METTL24: variants seen among roughly 807,000 people sequenced by gnomAD.
METTL24 encodes methyltransferase like 24, also known as probable methyltransferase-like protein 24.
In METTL24, 29 loss-of-function variants were observed where a neutral mutation model predicts 32.7. That is an observed-to-expected ratio of 0.89 (90% CI 0.66 to 1.21). The LOEUF (loss-of-function observed/expected upper bound fraction) is 1.21, where lower values mean the gene tolerates loss of function less well. Ranked by LOEUF, METTL24 falls within the 50% of genes most tolerant of loss-of-function variation. METTL24 has a pLI of 0.00. For missense variants in METTL24, 439 were observed against 468.1 expected, an observed-to-expected ratio of 0.94 and a Z score of 0.57; for synonymous variants, 163 against 179.5, an observed-to-expected ratio of 0.91 and a Z score of 0.73.
chr6:110,309,069 G>T (rs979896438), intron 3 of METTL24, among the ~76,000 whole-genome samples: 2 of 152,156 alleles, frequency 1.3e-5, no homozygotes, highest in African/African-American at 4.8e-5. Flanking sequence ...AAGAGCCATA[G>T]AACTGTATAT....
intron 4 of METTL24, among the ~76,000 whole-genome samples, chr6:110,278,528 C>A (rs938222359): frequency 6.6e-6 from 1 of 152,160 alleles, no homozygotes; most frequent in African/African-American, 2.4e-5. Context: ...TTTAGTAGAA[C>A]ATGTCTGAAA....
chr6:110,269,654 GTTTGT>G (rs1057130292), intron 4 of METTL24, among the ~76,000 whole-genome samples: 2 of 151,962 alleles, frequency 1.3e-5, no homozygotes, highest in African/African-American at 2.4e-5. Flanking sequence ...TTGTTTGTTT[GTTTGT>G]TTTGTTTTGT....
intron 4 of METTL24, among the ~76,000 whole-genome samples, chr6:110,289,774 T>C (rs1771285930): frequency 6.6e-6 from 1 of 152,192 alleles, no homozygotes; most frequent in Non-Finnish European, 1.5e-5. Context: ...CAGAGTTTCT[T>C]CCTCAGCCAT....
chr6:110,323,704 T>C (rs1447989707), intron 1 of METTL24, among the ~76,000 whole-genome samples: 1 of 151,882 alleles, frequency 6.6e-6, no homozygotes, highest in Non-Finnish European at 1.5e-5. Flanking sequence ...TCCAGGAGGT[T>C]TGCTGCAATT....
In METTL24 at chr6:110,358,201, C is replaced by A. The variant is rs751604689; in HGVS notation, c.72G>T (p.Leu24Phe). 9 of 1,466,252 alleles carry A rather than the reference C, an allele frequency of 6.1e-6. No homozygotes were observed. Among genetic ancestry groups the A allele is most frequent in the Non-Finnish European group, 8.1e-6 (9 of 1,115,760 alleles). The allele number at this position is 1,466,252 out of a possible 1,614,324, so 90.8% of individuals were successfully genotyped here. ...LRRCLLGAVL[L>F]FGLRLCAELR... The stretch of plus-strand genomic sequence containing the variant: ...GCTCTGCGCAGAGCCGCAGGCCGAA[C>A]AACAGCACAGCCCCGAGTAGACACC... Residue 24 changes from leucine (L) to phenylalanine (F), a missense_variant, in exon 1 of 5, where the codon TTG (leucine) becomes TTT (phenylalanine). By Grantham distance (22) the Leu-to-Phe change is conservative. Transcript: ENST00000338882.
At chr6:110,310,005 G>A (rs946478162) in intron 3 of METTL24, among the ~76,000 whole-genome samples, 10 of 152,102 alleles carry the variant, frequency 6.6e-5, no homozygotes, top group Non-Finnish European at 1.3e-4. Context: ...GGGTAATTTG[G>A]GGAAACATGC....
chr6:110,284,822 C>CA (rs111614789), intron 4 of METTL24, among the ~76,000 whole-genome samples: 19,163 of 149,230 alleles, frequency 0.13, 2,720 homozygotes, highest in African/African-American at 0.35. Context: ...GACATTAAAA[C>CA]AAAAAAAAAA....
At chr6:110,351,827 T>C (rs992493870) in intron 1 of METTL24, among the ~76,000 whole-genome samples, 1 of 152,166 alleles carries the variant, frequency 6.6e-6, no homozygotes, top group Non-Finnish European at 1.5e-5. Flanking sequence ...AGGGAGAAGA[T>C]CAAAGAATTC....
intron 3 of METTL24, among the ~76,000 whole-genome samples, chr6:110,300,302 G>A (rs892498371): frequency 3.9e-5 from 6 of 152,062 alleles, no homozygotes; most frequent in African/African-American, 9.7e-5. Flanking sequence ...AACCCCATAC[G>A]GAGGGATGAC....
intron 4 of METTL24, among the ~76,000 whole-genome samples, chr6:110,279,238 A>C (rs1771097531): frequency 6.6e-6 from 1 of 152,198 alleles, no homozygotes. Context: ...TGCTATCTCA[A>C]AAATTTCAAA....
intron 3 of METTL24, among the ~76,000 whole-genome samples, chr6:110,311,725 C>T (rs1771727467): frequency 6.6e-6 from 1 of 152,138 alleles, no homozygotes; most frequent in Admixed American, 6.5e-5. Flanking sequence ...CTGCCTGCCT[C>T]AGCCTCAAAA....
chr6:110,334,365 G>A (rs1772170529), intron 1 of METTL24, among the ~76,000 whole-genome samples: 1 of 152,116 alleles, frequency 6.6e-6, no homozygotes, highest in South Asian at 2.1e-4. Flanking sequence ...CAGAAATAAT[G>A]CATCCCAGAG....
intron 1 of METTL24, among the ~76,000 whole-genome samples, chr6:110,332,047 G>C (rs187396352): frequency 1.2e-4 from 19 of 152,174 alleles, no homozygotes; most frequent in Non-Finnish European, 2.8e-4. Context: ...AATCCAGAGC[G>C]CCAATCTGCC....
intron 4 of METTL24, among the ~76,000 whole-genome samples, chr6:110,298,023 A>C (rs1414969810): frequency 6.6e-6 from 1 of 152,136 alleles, no homozygotes; most frequent in Non-Finnish European, 1.5e-5. Flanking sequence ...AGAGGGGAGG[A>C]GGAGGAGGAA....
At chr6:110,289,740 A>G (rs1170134275) in intron 4 of METTL24, among the ~76,000 whole-genome samples, 3 of 152,198 alleles carry the variant, frequency 2.0e-5, no homozygotes, top group African/African-American at 7.2e-5. Context: ...TTAACAAGGT[A>G]CAAAATTCAA....
chr6:110,277,962 A>AATTTTCCT (rs778195978), intron 4 of METTL24, among the ~76,000 whole-genome samples: 1 of 152,114 alleles, frequency 6.6e-6, no homozygotes, highest in Non-Finnish European at 1.5e-5. Flanking sequence ...TCACATGATA[A>AATTTTCCT]ATTTTCCTCA....
chr6:110,262,123 G>A (rs1341574713), intron 4 of METTL24, among the ~76,000 whole-genome samples: 1 of 152,100 alleles, frequency 6.6e-6, no homozygotes, highest in African/African-American at 2.4e-5. Context: ...GATCAGAGCA[G>A]AACTGAAGGA....
intron 4 of METTL24, among the ~76,000 whole-genome samples, chr6:110,247,451 A>C (rs1778188441): frequency 6.6e-6 from 1 of 152,246 alleles, no homozygotes; most frequent in South Asian, 2.1e-4. Context: ...GGAGTTTGGA[A>C]AATAAGGTGC....
chr6:110,281,648 CAA>C (rs551905021), intron 4 of METTL24, among the ~76,000 whole-genome samples: 23 of 115,892 alleles, frequency 2.0e-4, no homozygotes, highest in Non-Finnish European at 2.0e-4. Flanking sequence ...GACTCTGTCT[CAA>C]AAAAAAAAAA....
Sources: gnomAD v4.1 joint callset for allele counts (sites outside exome capture counted in the v4.1 genomes callset) on GRCh38, gnomAD v4.1.1 for gene constraint, MANE v1.5 for transcripts, NCBI Gene and HGNC (gene_info 2026-07-23, HGNC 2026-07-21) for gene names.